Variants in VRK2 observed in about 807,000 individuals in gnomAD.
The protein encoded by VRK2 is serine/threonine-protein kinase VRK2.
Under a neutral mutation model 57.6 loss-of-function variants are expected in VRK2, and 60 were observed. That is an observed-to-expected ratio of 1.04 (90% confidence interval 0.85 to 1.29). The LOEUF is 1.29. Among genes scored for constraint, VRK2 ranks in the 50% most tolerant of loss-of-function variants. VRK2 has a pLI of 0.00. For missense variants in VRK2, 705 were observed against 588.1 expected (o/e 1.20, Z -2.06); for synonymous variants, 231 against 199.2 (o/e 1.16, Z -1.35).
At chr2:57,950,371 A>T (rs1671391095) in intron 1 of VRK2, among the ~76,000 whole-genome samples, 1 of 152,214 alleles carries the variant, frequency 6.6e-6, no homozygotes, top group Non-Finnish European at 1.5e-5. Flanking sequence ...CTTACCATTC[A>T]GCAAATCGTG....
chr2:58,012,392 T>C (rs1272613265), intron 1 of VRK2, among the ~76,000 whole-genome samples: 1 of 152,230 alleles, frequency 6.6e-6, no homozygotes, highest in Non-Finnish European at 1.5e-5. Context: ...ACCCCTTTCC[T>C]GTAACATGAG....
intron 10 of VRK2, among the ~76,000 whole-genome samples, chr2:58,137,311 G>T (rs1358386552): frequency 1.4e-5 from 2 of 138,068 alleles, no homozygotes; most frequent in Non-Finnish European, 3.2e-5. Flanking sequence ...CAATCCTGCA[G>T]AAAAAGGAAC....
At chr2:57,949,608 G>A (rs938516910) in intron 1 of VRK2, among the ~76,000 whole-genome samples, 6 of 152,022 alleles carry the variant, frequency 3.9e-5, no homozygotes, top group Admixed American at 3.9e-4. Flanking sequence ...GGACTTCTCT[G>A]TTCCTTGAGA....
chr2:57,914,569 T>A (rs1016248253), intron 1 of VRK2, among the ~76,000 whole-genome samples: 1 of 152,050 alleles, frequency 6.6e-6, no homozygotes, highest in South Asian at 2.1e-4. Flanking sequence ...TGGTGCCTCA[T>A]CTCCTTAGGT....
At chr2:58,025,000 G>A (rs1454863306) in intron 1 of VRK2, among the ~76,000 whole-genome samples, 1 of 152,208 alleles carries the variant, frequency 6.6e-6, no homozygotes, top group Non-Finnish European at 1.5e-5. Context: ...GAATGGCTAT[G>A]TGATAAGGCT....
chr2:57,911,187 G>T (rs1042358030), intron 1 of VRK2, among the ~76,000 whole-genome samples: 3 of 152,024 alleles, frequency 2.0e-5, no homozygotes, highest in Non-Finnish European at 4.4e-5. Flanking sequence ...TAGCAACATA[G>T]TTTGGATTAA....
At chr2:58,017,648 C>A (rs1029919341) in intron 1 of VRK2, among the ~76,000 whole-genome samples, 2 of 152,124 alleles carry the variant, frequency 1.3e-5, no homozygotes, top group African/African-American at 4.8e-5. Context: ...ACATTACTAT[C>A]CTAAAGTGGA....
intron 10 of VRK2, among the ~76,000 whole-genome samples, chr2:58,135,479 A>G (rs1230798273): frequency 6.7e-6 from 1 of 150,330 alleles, no homozygotes; most frequent in Non-Finnish European, 1.5e-5. Flanking sequence ...TTTGAGAATC[A>G]TGCACAGGCT....
intron 12 of VRK2, among the ~76,000 whole-genome samples, chr2:58,155,891 T>C (rs1283489615): frequency 1.3e-5 from 2 of 151,434 alleles, no homozygotes; most frequent in Non-Finnish European, 2.9e-5. Flanking sequence ...CCCAGGGCTA[T>C]TGGTTACATA....
At chr2:58,047,679 C>A (rs941332146) in intron 1 of VRK2, among the ~76,000 whole-genome samples, 24 of 152,176 alleles carry the variant, frequency 1.6e-4, no homozygotes, top group African/African-American at 5.3e-4. Flanking sequence ...AAAAACTTTT[C>A]CTGCTTTATG....
intron 11 of VRK2, among the ~76,000 whole-genome samples, chr2:58,143,835 T>C (rs574506701): frequency 6.6e-6 from 1 of 151,828 alleles, no homozygotes; most frequent in Non-Finnish European, 1.5e-5. Flanking sequence ...TAAGTGTGTG[T>C]CAATGGGTGA....
intron 1 of VRK2, among the ~76,000 whole-genome samples, chr2:57,974,130 T>C (rs998751933): frequency 6.6e-5 from 10 of 151,970 alleles, no homozygotes; most frequent in Non-Finnish European, 1.3e-4. Flanking sequence ...AACAAGTTAA[T>C]ATTTTATTCT....
At chr2:58,024,527 C>T (rs1673864991) in intron 1 of VRK2, among the ~76,000 whole-genome samples, 1 of 152,168 alleles carries the variant, frequency 6.6e-6, no homozygotes, top group Non-Finnish European at 1.5e-5. Context: ...GAAACTCCCA[C>T]TGGCTTTAAC....
chr2:57,966,896 A>G lies in VRK2; in HGVS notation c.-438-58769A>G, dbSNP rs190432133. 1.1e-4 allele frequency among the ~76,000 whole-genome samples: 17 copies of G among 152,282 alleles called. No homozygotes were observed. In the East Asian group the frequency reaches 3.3e-3, roughly 29 times the overall value. On this transcript the variant is annotated intron_variant, in intron 1 of 15. Coordinates refer to the VRK2 transcript ENST00000417641. ...ACGAACCTTTTACTTATCCCAGTAG[A>G]ATGGTTAGTAGTGAACCAGACAGTA... is the stretch of plus-strand genomic sequence containing the variant.
At chr2:58,055,330 A>G (rs1676358293) in intron 2 of VRK2, among the ~76,000 whole-genome samples, 1 of 152,202 alleles carries the variant, frequency 6.6e-6, no homozygotes, top group Admixed American at 6.5e-5. Context: ...ATTCCCATCC[A>G]GGGATATAAA....
At chr2:57,950,623 C>G (rs937545437) in intron 1 of VRK2, among the ~76,000 whole-genome samples, 2 of 152,214 alleles carry the variant, frequency 1.3e-5, no homozygotes, top group Non-Finnish European at 2.9e-5. Flanking sequence ...TGCCTGCTAA[C>G]ACAACATTCA....
chr2:58,135,252 T>C, intron 10 of VRK2, 53 bp downstream of exon 10: 1 of 1,603,444 alleles, frequency 6.2e-7, no homozygotes, highest in Non-Finnish European at 8.5e-7. Context: ...GTTGCCACAT[T>C]TGTCGTTATC....
intron 1 of VRK2, among the ~76,000 whole-genome samples, chr2:58,025,485 A>C (rs1347392136): frequency 6.6e-6 from 1 of 152,162 alleles, no homozygotes; most frequent in Non-Finnish European, 1.5e-5. Context: ...GCTAGTTTTC[A>C]TTTTAATCAA....
intron 1 of VRK2, among the ~76,000 whole-genome samples, chr2:58,019,506 A>G (rs1673684520): frequency 6.6e-6 from 1 of 152,220 alleles, no homozygotes; most frequent in African/African-American, 2.4e-5. Flanking sequence ...GACCTAAATG[A>G]TAGTAAGTAT....
Sources: allele counts gnomAD v4.1 joint callset (sites outside exome capture counted in the v4.1 genomes callset), GRCh38; gene constraint gnomAD v4.1.1; transcripts MANE v1.5; gene names NCBI Gene and HGNC (gene_info 2026-07-23, HGNC 2026-07-21).